The following UACA variants were observed in gnomAD, a reference collection of about 807,000 sequenced individuals.
The protein encoded by UACA is nuclear membrane binding protein.
In UACA, 112 loss-of-function variants were observed where a neutral mutation model predicts 160.5. The ratio of observed to expected loss-of-function variants is 0.70; its 90% CI spans 0.60 to 0.82. The LOEUF (loss-of-function observed/expected upper bound fraction) is 0.82, where lower values mean the gene tolerates loss of function less well. Among genes scored for constraint, UACA ranks in the 40% least tolerant of loss-of-function variants. The probability of loss-of-function intolerance (pLI) is 0.00; values close to 1 mark genes in which losing one functional copy is unlikely to be tolerated. For synonymous variants in UACA, 557 were observed against 568.4 expected, an observed-to-expected ratio of 0.98 and a Z score of 0.29; for missense variants, 1,574 against 1,614.6, an observed-to-expected ratio of 0.97 and a Z score of 0.43.
chr15:70,724,919 C>CA (rs747331527), intron 1 of UACA, among the ~76,000 whole-genome samples: 2,823 of 88,542 alleles, frequency 0.032, 46 homozygotes, highest in African/African-American at 0.08. Context: ...TCTGTCTCTA[C>CA]AAAAAAAAAA....
At chr15:70,751,244 G>A (rs1238159370) in intron 1 of UACA, among the ~76,000 whole-genome samples, 1 of 152,132 alleles carries the variant, frequency 6.6e-6, no homozygotes, top group Non-Finnish European at 1.5e-5. Flanking sequence ...TCACCCTGCA[G>A]TGCTTAGCCC....
chr15:70,719,757 G>T (rs1420246336), intron 1 of UACA, among the ~76,000 whole-genome samples: 1 of 151,956 alleles, frequency 6.6e-6, no homozygotes, highest in Non-Finnish European at 1.5e-5. Flanking sequence ...TATATTAAAG[G>T]AAACACCTTA....
intron 16 of UACA, 113 bp downstream of exon 16, chr15:70,666,611 C>G: frequency 1.2e-6 from 1 of 855,648 alleles, no homozygotes; most frequent in Non-Finnish European, 1.6e-6. Flanking sequence ...AGTTGCTAAA[C>G]TGGAAAGGGT....
At chr15:70,761,979 A>G (rs2030786113) in intron 1 of UACA, among the ~76,000 whole-genome samples, 1 of 152,206 alleles carries the variant, frequency 6.6e-6, no homozygotes, top group Non-Finnish European at 1.5e-5. Flanking sequence ...CACAACTTGC[A>G]TTACAGAAGT....
chr15:70,765,724 T>C (rs1384216208), upstream of UACA, among the ~76,000 whole-genome samples: 1 of 152,250 alleles, frequency 6.6e-6, no homozygotes, highest in African/African-American at 2.4e-5. Flanking sequence ...TATGTATTTA[T>C]GTGACACAGG....
At chr15:70,721,401 G>A (rs999105317) in intron 1 of UACA, among the ~76,000 whole-genome samples, 6 of 152,092 alleles carry the variant, frequency 3.9e-5, no homozygotes, top group African/African-American at 1.2e-4. Flanking sequence ...CGAGGTGGGC[G>A]GATCACAAGG....
At chr15:70,710,555 C>A (rs193087485) in intron 1 of UACA, among the ~76,000 whole-genome samples, 2 of 152,164 alleles carry the variant, frequency 1.3e-5, no homozygotes, top group African/African-American at 4.8e-5. Flanking sequence ...CTGTCACTCC[C>A]ACCCTTCAGA....
chr15:70,767,091 T>C (rs1438626994), upstream of UACA, among the ~76,000 whole-genome samples: 1 of 150,984 alleles, frequency 6.6e-6, no homozygotes, highest in East Asian at 1.9e-4. Context: ...ATACAAAAAA[T>C]TAGCCAGGCG....
chr15:70,741,215 C>T (rs1899524985), intron 1 of UACA, among the ~76,000 whole-genome samples: 1 of 152,160 alleles, frequency 6.6e-6, no homozygotes, highest in Admixed American at 6.5e-5. Context: ...GCAGGAACTG[C>T]ACTTAACAGC....
At chr15:70,715,223 C>T (rs1324052354) in intron 1 of UACA, among the ~76,000 whole-genome samples, 1 of 152,044 alleles carries the variant, frequency 6.6e-6, no homozygotes, top group African/African-American at 2.4e-5. Context: ...CCTATATATA[C>T]CAATGAACAC....
chr15:70,746,574 G>T (rs776788000), intron 1 of UACA, among the ~76,000 whole-genome samples: 2 of 152,142 alleles, frequency 1.3e-5, no homozygotes, highest in Non-Finnish European at 2.9e-5. Flanking sequence ...AGACAGTGTG[G>T]CAATTCCTCA....
chr15:70,700,164 A>C (rs1898292040), intron 1 of UACA, among the ~76,000 whole-genome samples: 1 of 151,958 alleles, frequency 6.6e-6, no homozygotes, highest in Non-Finnish European at 1.5e-5. Flanking sequence ...TCACACTTTT[A>C]GATTTGGCTC....
At chr15:70,737,766 C>G (rs1233431878) in intron 1 of UACA, among the ~76,000 whole-genome samples, 3 of 152,158 alleles carry the variant, frequency 2.0e-5, no homozygotes, top group Non-Finnish European at 4.4e-5. Context: ...TGCTTATATT[C>G]ATACAATATA....
At chr15:70,666,208 T>C (rs531917395) in intron 16 of UACA, among the ~76,000 whole-genome samples, 2 of 152,274 alleles carry the variant, frequency 1.3e-5, no homozygotes, top group African/African-American at 4.8e-5. Context: ...AATGAATGTA[T>C]AGGATTCAAC....
intron 17 of UACA, chr15:70,661,099 C>G (rs1272644771): frequency 6.6e-6 from 1 of 152,196 alleles, no homozygotes; most frequent in East Asian, 1.9e-4. Context: ...TGTATTCCAT[C>G]TCCACGCTTC....
intron 1 of UACA, among the ~76,000 whole-genome samples, chr15:70,718,323 AATGTGTGT>A (rs1212084774): frequency 5.1e-4 from 8 of 15,624 alleles, no homozygotes; most frequent in African/African-American, 1.0e-3. Context: ...AGAGAGAGAG[AATGTGTGT>A]GTGTGTGTGT....
intron 1 of UACA, chr15:70,754,311 A>G (rs925923882): frequency 3.0e-6 from 1 of 329,538 alleles, no homozygotes; most frequent in African/African-American, 2.2e-5. Context: ...CAGAAACTGT[A>G]TGTACTTTGA....
chr15:70,690,458 A>G lies in UACA; in HGVS notation c.420T>C (p.Asp140=). The change falls in exon 5 of 19, where the codon GAT becomes GAC. Residue 140 remains aspartate (D), a synonymous_variant. Coordinates refer to ENST00000322954, the MANE Select transcript of UACA (RefSeq NM_018003.4). ...ADLQGRTALH[D]AAMADCPSSI... is the part of the protein sequence containing the mutation. Reference sequence around the variant, plus strand: ...CCAAGGGAAACCACTGCTCACCGGCATCGTGAAGTGCAGTTCTTCCCTGCA... The same window carrying G: ...CCAAGGGAAACCACTGCTCACCGGCGTCGTGAAGTGCAGTTCTTCCCTGCA... The G allele has an allele frequency of 6.2e-7, 1 of 1,612,946 alleles. No individual in the cohort carries two copies. Among genetic ancestry groups the G allele is most frequent in the Non-Finnish European group, 8.5e-7 (1 of 1,179,428 alleles).
Position 70,668,204 on chromosome 15 carries a change from A to C in UACA, c.2480T>G (p.Leu827Arg), listed in dbSNP as rs1436953298. ...KSNIVELKKQ[L>R]SELKKKCGED... The stretch of plus-strand genomic sequence containing the variant: ...ACCACATTTTTTCTTAAGTTCAGAC[A>C]GCTGTTTCTTAAGTTCAACAATATT... The change falls in exon 16 of 19, where the codon CTG becomes CGG. Residue 827 changes from leucine (L) to arginine (R), a missense_variant. Transcript: ENST00000322954. 1 of 1,611,646 alleles carries C rather than the reference A, an allele frequency of 6.2e-7. No homozygotes were observed. The highest frequency in any genetic ancestry group is 8.5e-7 in the Non-Finnish European group (1 of 1,179,572).
Sources: gnomAD v4.1 joint callset for allele counts (sites outside exome capture counted in the v4.1 genomes callset) on GRCh38, gnomAD v4.1.1 for gene constraint, MANE v1.5 for transcripts, NCBI Gene and HGNC (gene_info 2026-07-23, HGNC 2026-07-21) for gene names.